The following NOS1AP variants were observed in gnomAD, a reference collection of about 807,000 sequenced individuals.
NOS1AP encodes carboxyl-terminal PDZ ligand of neuronal nitric oxide synthase protein.
In NOS1AP, 21 loss-of-function variants were observed where a neutral mutation model predicts 56.2. The observed-to-expected ratio is 0.37, with a 90% confidence interval of 0.26 to 0.54. The LOEUF (loss-of-function observed/expected upper bound fraction) is 0.54. NOS1AP is among the 20% of genes least tolerant of loss of function. The pLI, the probability that NOS1AP is intolerant of heterozygous loss-of-function variation, is 0.84. For synonymous variants in NOS1AP, 270 were observed against 274.6 expected, an observed-to-expected ratio of 0.98 and a Z score of 0.17; for missense variants, 522 against 657.8, an observed-to-expected ratio of 0.79 and a Z score of 2.26.
At chr1:162,164,481 C>T (rs1440332429) in intron 2 of NOS1AP, among the ~76,000 whole-genome samples, 3 of 152,190 alleles carry the variant, frequency 2.0e-5, no homozygotes, top group Non-Finnish European at 2.9e-5. Flanking sequence ...GTTTTTCATC[C>T]TTCCTAAGAT....
At chr1:162,241,791 G>T (rs1653496260) in intron 2 of NOS1AP, among the ~76,000 whole-genome samples, 1 of 152,164 alleles carries the variant, frequency 6.6e-6, no homozygotes, top group Admixed American at 6.5e-5. Context: ...TGAGGTGACA[G>T]ATGTCAACAT....
chr1:162,164,382 A>G (rs1417630876), intron 2 of NOS1AP, among the ~76,000 whole-genome samples: 3 of 152,226 alleles, frequency 2.0e-5, no homozygotes, highest in Admixed American at 6.5e-5. Context: ...CAACATAATT[A>G]TCATTTTAAT....
chr1:162,073,395 A>C (rs532036092), intron 1 of NOS1AP, among the ~76,000 whole-genome samples: 1 of 152,322 alleles, frequency 6.6e-6, no homozygotes, highest in East Asian at 1.9e-4. Flanking sequence ...ACAGCTCTCT[A>C]GTGGAGTGTT....
At position 162,355,370 on chromosome 1, in the gene NOS1AP, CCA is replaced by C; in HGVS notation, c.762+18_762+19del. ...GGCTCCAAGGTAGGCAAGAGATGGC[CCA>C]TCTGTGTGATCTGCACACGTGTGCC... On this transcript the variant is annotated intron_variant, in intron 7 of 9. Coordinates refer to ENST00000361897, the MANE Select transcript of NOS1AP (RefSeq NM_014697.3). The C allele has an allele frequency of 6.2e-7, 1 of 1,613,824 alleles. No homozygotes were observed. Among genetic ancestry groups the C allele is most frequent in the Non-Finnish European group, 8.5e-7 (1 of 1,179,934 alleles).
chr1:162,187,300 A>G (rs934383569), intron 2 of NOS1AP, among the ~76,000 whole-genome samples: 2 of 152,148 alleles, frequency 1.3e-5, no homozygotes, highest in Non-Finnish European at 2.9e-5. Flanking sequence ...TTCTTTATTC[A>G]CTTAATAGTT....
chr1:162,070,530 C>G (rs1359445428), intron 1 of NOS1AP, among the ~76,000 whole-genome samples: 1 of 152,218 alleles, frequency 6.6e-6, no homozygotes, highest in Non-Finnish European at 1.5e-5. Context: ...TGCAGACTCC[C>G]CCATCCTTAC....
chr1:162,352,712 G>A (rs553740705), intron 6 of NOS1AP, among the ~76,000 whole-genome samples: 8 of 151,978 alleles, frequency 5.3e-5, no homozygotes, highest in African/African-American at 7.3e-5. Flanking sequence ...CTCCTACATC[G>A]CTTCTTATAA....
At chr1:162,276,305 A>G (rs1053463161) in intron 2 of NOS1AP, among the ~76,000 whole-genome samples, 1 of 152,152 alleles carries the variant, frequency 6.6e-6, no homozygotes, top group African/African-American at 2.4e-5. Context: ...TGTCTGGTGC[A>G]GCTTTGGAGT....
At chr1:162,126,632 A>G (rs1648502511) in intron 1 of NOS1AP, among the ~76,000 whole-genome samples, 1 of 151,926 alleles carries the variant, frequency 6.6e-6, no homozygotes, top group Non-Finnish European at 1.5e-5. Flanking sequence ...TTTTAAAGCC[A>G]TATAGTTTAT....
rs1276270878 is a variant in NOS1AP, at chr1:162,289,209, T to TTCCTTCCTTTCCTTCCTTCCTTCCCTTCC, written c.270+1774_270+1775insCCTTCCTTTCCTTCCTTCCTTCCCTTCCT. Among the ~76,000 whole-genome samples the TTCCTTCCTTTCCTTCCTTCCTTCCCTTCC allele has an allele frequency of 4.0e-5, 4 of 99,596 alleles. No individual in the cohort carries two copies. The East Asian group carries it at 1.4e-3, about 35-fold the overall frequency. The allele number at this position is 99,596 out of a possible 152,430, so 65.3% of individuals were successfully genotyped here. A position where few individuals can be genotyped will look rare whatever the true frequency, so the allele number is the denominator to read the frequency against. On this transcript the variant is annotated intron_variant, in intron 3 of 9. Transcript: ENST00000361897. ...TGCCTTTCTTTCCTTCCTTCCTTCC[T>TTCCTTCCTTTCCTTCCTTCCTTCCCTTCC]TTCCTTCCTTCCTTCCTTCCTTCCT... is the stretch of plus-strand genomic sequence containing the variant.
intron 7 of NOS1AP, among the ~76,000 whole-genome samples, chr1:162,356,728 C>T (rs963667805): frequency 6.6e-6 from 1 of 152,198 alleles, no homozygotes; most frequent in Non-Finnish European, 1.5e-5. Context: ...GGTCAGTTAC[C>T]GAGGTGTCCC....
chr1:162,293,631 G>C (rs919526127), intron 3 of NOS1AP, among the ~76,000 whole-genome samples: 2 of 152,178 alleles, frequency 1.3e-5, no homozygotes, highest in Non-Finnish European at 2.9e-5. Flanking sequence ...TCAAAGATGC[G>C]CTTACCCCAT....
chr1:162,161,114 T>C (rs1650193946), intron 2 of NOS1AP, among the ~76,000 whole-genome samples: 1 of 152,232 alleles, frequency 6.6e-6, no homozygotes, highest in African/African-American at 2.4e-5. Context: ...CCTTTGGTTA[T>C]AAGGTCCCTC....
intron 5 of NOS1AP, among the ~76,000 whole-genome samples, chr1:162,337,476 A>T (rs1438740768): frequency 6.6e-6 from 1 of 152,198 alleles, no homozygotes; most frequent in Non-Finnish European, 1.5e-5. Context: ...TTAGGGAAAG[A>T]GTCTGTTTTT....
intron 2 of NOS1AP, among the ~76,000 whole-genome samples, chr1:162,181,834 C>T (rs1467516651): frequency 2.0e-5 from 3 of 152,156 alleles, no homozygotes; most frequent in East Asian, 3.8e-4. Context: ...TTGTATCAGA[C>T]AGGAAACATG....
intron 1 of NOS1AP, among the ~76,000 whole-genome samples, chr1:162,122,600 C>A (rs10082218): frequency 2.0e-5 from 3 of 151,536 alleles, no homozygotes; most frequent in African/African-American, 7.3e-5. Context: ...CTCCACCTCC[C>A]AGGCTCAAGT....
At chr1:162,164,311 A>C (rs1650373462) in intron 2 of NOS1AP, among the ~76,000 whole-genome samples, 1 of 152,220 alleles carries the variant, frequency 6.6e-6, no homozygotes, top group Non-Finnish European at 1.5e-5. Flanking sequence ...AACAGGTTGC[A>C]TTGAGCATCT....
At chr1:162,083,787 A>T (rs2102017060) in intron 1 of NOS1AP, among the ~76,000 whole-genome samples, 1 of 152,306 alleles carries the variant, frequency 6.6e-6, no homozygotes, top group East Asian at 1.9e-4. Flanking sequence ...ATCACCTGAA[A>T]ACTAATAAAA....
intron 1 of NOS1AP, among the ~76,000 whole-genome samples, chr1:162,079,616 T>C (rs1489517238): frequency 1.3e-5 from 2 of 152,210 alleles, no homozygotes; most frequent in Admixed American, 6.5e-5. Context: ...AAATATCTCA[T>C]ACTTCGTAGG....
Sources: gnomAD v4.1 joint callset for allele counts (sites outside exome capture counted in the v4.1 genomes callset) on GRCh38, gnomAD v4.1.1 for gene constraint, MANE v1.5 for transcripts, NCBI Gene and HGNC (gene_info 2026-07-23, HGNC 2026-07-21) for gene names.